GNA15: variants seen among roughly 807,000 people sequenced by gnomAD.
GNA15 encodes the protein guanine nucleotide-binding protein subunit alpha-15.
A neutral mutation model predicts 40.1 loss-of-function variants in GNA15; 23 were observed. The ratio of observed to expected loss-of-function variants is 0.57; its 90% confidence interval spans 0.41 to 0.81. The LOEUF (loss-of-function observed/expected upper bound fraction) is 0.81. Ranked by LOEUF, GNA15 falls within the 40% of genes least tolerant of loss-of-function variation. GNA15 has a pLI of 0.00. For synonymous variants in GNA15, 226 were observed against 210.4 expected, an observed-to-expected ratio of 1.07 and a Z score of -0.64; for missense variants, 522 against 515.8, an observed-to-expected ratio of 1.01 and a Z score of -0.12.
At position 3,136,410 on chromosome 19, in the gene GNA15, CG is replaced by C; in HGVS notation, c.-36del. 1.3e-6 allele frequency: 2 copies of C among 1,540,154 alleles called. No individual in the cohort carries two copies. The highest frequency in any genetic ancestry group is 1.2e-5 in the South Asian group (1 of 83,004). ...GGGGTTGCCCTGGCCAGCAGGGGCC[CG>C]GGGGCGATGCCACCCGGTGCCGACT... On this transcript the variant is annotated 5_prime_UTR_variant, in exon 1 of 7. Coordinates refer to ENST00000262958, the MANE Select transcript of GNA15 (RefSeq NM_002068.4). The surrounding 1 kb of genome is among the most constrained non-coding windows in gnomAD (Gnocchi z 4.9).
chr19:3,149,473 C>A (rs772713365), intron 2 of GNA15: 1 of 155,962 alleles, frequency 6.4e-6, no homozygotes, highest in Admixed American at 6.2e-5. Context: ...CCCACAAATG[C>A]AGCCAAGGAT....
In GNA15 at chr19:3,162,942, C is replaced by T; in HGVS notation, c.1048C>T (p.Gln350Ter). 1 of 1,614,096 alleles carries T rather than the reference C, an allele frequency of 6.2e-7. No homozygotes were observed. Among genetic ancestry groups the T allele is most frequent in the East Asian group, 2.2e-5 (1 of 44,872 alleles). ...CCACTACACATGTGCCACAGACACA[C>T]AGAACATCCGCAAGGTCTTCAAGGA... Reference protein sequence around the residue: ...FSHYTCATDTQNIRKVFKDVR... With the variant: ...FSHYTCATDT Residue 350 changes from glutamine (Q) to a stop codon, truncating the protein, a stop_gained, in exon 7 of 7, where the codon CAG becomes TAG. Transcript: ENST00000262958. LOFTEE classifies it high-confidence loss of function.
At chr19:3,158,252 C>T (rs1246047043) in intron 6 of GNA15, among the ~76,000 whole-genome samples, 6 of 151,948 alleles carry the variant, frequency 3.9e-5, no homozygotes, top group Admixed American at 2.6e-4. Context: ...AGAGTTCAAG[C>T]GATTCTCCTA....
intron 5 of GNA15, among the ~76,000 whole-genome samples, chr19:3,156,202 A>ACACACACACACACACT (rs57479390): frequency 2.1e-5 from 3 of 143,222 alleles, no homozygotes; most frequent in Admixed American, 6.9e-5. Flanking sequence ...ACACACACAC[A>ACACACACACACACACT]CTACAGTGCA....
At chr19:3,157,620 A>G in intron 5 of GNA15, 108 bp from the exon 6 acceptor site, 1 of 893,082 alleles carries the variant, frequency 1.1e-6, no homozygotes, top group Admixed American at 2.2e-5. Context: ...CCAGGCAGAT[A>G]GGGGTGAGCC....
chr19:3,149,163 G>GC (rs759902710), intron 2 of GNA15: 65 of 203,874 alleles, frequency 3.2e-4, no homozygotes, highest in Non-Finnish European at 5.6e-4. Context: ...CCATGCAGAT[G>GC]CCCCCACACA....
rs527948230 is a variant in GNA15, at chr19:3,153,625, G to A, written c.614+1790G>A. 3.3e-5 allele frequency among the ~76,000 whole-genome samples: 5 copies of A among 151,316 alleles called. No individual in the cohort carries two copies. In the East Asian group the frequency reaches 9.8e-4, roughly 30 times the overall value. On this transcript the variant is annotated intron_variant, in intron 4 of 6. Transcript: ENST00000262958. ...AATTAATGGGTAGATGGGTGGAAGG[G>A]TGATGGGTGAATGGATGGGTGGGTG... is the stretch of plus-strand genomic sequence containing the variant.
Position 3,157,828 on chromosome 19 carries a change from T to A in GNA15, c.845T>A (p.Leu282Gln). Residue 282 changes from leucine to glutamine, a missense_variant, in exon 6 of 7, where the codon CTG (leucine) becomes CAG (glutamine). Transcript: ENST00000262958. ...VILFLNKTDI[L>Q]EEKIPTSHLA... is the part of the protein sequence containing the mutation. ...CTCTTTCTCAACAAAACCGACATCC[T>A]GGAGGAGAAAATCCCCACCTCCCAC... is the stretch of plus-strand genomic sequence containing the variant. 6.2e-7 allele frequency: 1 copy of A among 1,613,660 alleles called. No individual in the cohort carries two copies. The highest frequency in any genetic ancestry group is 8.5e-7 in the Non-Finnish European group (1 of 1,179,568).
intron 1 of GNA15, chr19:3,143,061 AC>A (rs1223619595): frequency 6.6e-6 from 1 of 151,732 alleles, no homozygotes; most frequent in Non-Finnish European, 1.5e-5. Flanking sequence ...AATGACACCT[AC>A]CCCAGCTCGA....
At chr19:3,158,466 A>T (rs753996587) in intron 6 of GNA15, among the ~76,000 whole-genome samples, 1 of 151,806 alleles carries the variant, frequency 6.6e-6, no homozygotes, top group Non-Finnish European at 1.5e-5. Flanking sequence ...ATTTTATTTT[A>T]TGCTTGTTGG....
At chr19:3,162,306 G>A (rs558580354) in intron 6 of GNA15, among the ~76,000 whole-genome samples, 2 of 151,952 alleles carry the variant, frequency 1.3e-5, no homozygotes, top group East Asian at 3.9e-4. Context: ...TGGGCATGGT[G>A]GCAGGCGCCT....
chr19:3,142,497 A>G (rs8104565), intron 1 of GNA15: 41,927 of 151,818 alleles, frequency 0.28, 5,921 homozygotes, highest in Non-Finnish European at 0.32. Flanking sequence ...GTTGCTTGCC[A>G]AGACTTATGT....
chr19:3,160,600 G>A (rs933710278), intron 6 of GNA15, among the ~76,000 whole-genome samples: 6 of 152,338 alleles, frequency 3.9e-5, no homozygotes, highest in South Asian at 4.1e-4. Flanking sequence ...GGAAGGAAGT[G>A]ACGGCAGCCA....
chr19:3,148,666 A>C lies in GNA15; in HGVS notation c.221A>C (p.Glu74Ala). ...IIHGAGYSEE[E>A]RKGFRPLVYQ... ...CACGGCGCCGGCTACTCGGAGGAGG[A>C]GCGCAAGGGCTTCCGGCCCCTGGTC... Residue 74 changes from glutamate (E) to alanine (A), a missense_variant, in exon 2 of 7, where the codon GAG becomes GCG. Transcript: ENST00000262958. The C allele has an allele frequency of 6.3e-7, 1 of 1,592,718 alleles. No individual in the cohort carries two copies. The highest frequency in any genetic ancestry group is 8.5e-7 in the Non-Finnish European group (1 of 1,169,912).
At chr19:3,139,968 G>T (rs988025580) in intron 1 of GNA15, among the ~76,000 whole-genome samples, 1 of 151,658 alleles carries the variant, frequency 6.6e-6, no homozygotes, top group South Asian at 2.1e-4. Flanking sequence ...TGGAGGCAGA[G>T]GTTGCAGTGA....
intron 1 of GNA15, among the ~76,000 whole-genome samples, chr19:3,140,960 C>A (rs1056490164): frequency 1.6e-4 from 25 of 152,218 alleles, no homozygotes. Context: ...GTGGTTTAAA[C>A]CACCTCATCC....
chr19:3,156,344 CAT>C (rs1915020487), intron 5 of GNA15, among the ~76,000 whole-genome samples: 1 of 152,070 alleles, frequency 6.6e-6, no homozygotes, highest in Non-Finnish European at 1.5e-5. Context: ...CACGAACACA[CAT>C]GCACCACACA....
chr19:3,147,887 CA>C (rs369228868), intron 1 of GNA15, among the ~76,000 whole-genome samples: 28,326 of 107,050 alleles, frequency 0.26, 2,836 homozygotes, highest in African/African-American at 0.35. Context: ...GACTCCATCT[CA>C]AAAAAAAAAA....
Position 3,162,767 on chromosome 19 carries a change from AC to A in GNA15, c.899-21del, listed in dbSNP as rs1449119193. ...CTGGGTCCAAAGAGGGAGGGTCCTC[AC>A]CCCCTTCCCACACTGTTTCCCCAGG... On this transcript the variant is annotated intron_variant, in intron 6 of 6. Transcript: ENST00000262958. 4 of 1,545,726 alleles carry A rather than the reference AC, an allele frequency of 2.6e-6. No individual in the cohort carries two copies. In the South Asian group the frequency reaches 3.4e-5, roughly 13 times the overall value.
Sources: gnomAD v4.1 joint callset for allele counts (sites outside exome capture counted in the v4.1 genomes callset) on GRCh38, gnomAD v4.1.1 for gene constraint, Gnocchi (gnomAD v3.1) non-coding constraint, MANE v1.5 for transcripts, NCBI Gene and HGNC (gene_info 2026-07-23, HGNC 2026-07-21) for gene names.